SPAG11B: variants seen among roughly 807,000 people sequenced by gnomAD.
SPAG11B encodes sperm associated antigen 11B.
A neutral mutation model predicts 8.9 loss-of-function variants in SPAG11B; 5 were observed. The ratio of observed to expected loss-of-function variants is 0.56; its 90% CI spans 0.29 to 1.19. The LOEUF is 1.19. Among genes scored for constraint, SPAG11B ranks in the 50% most tolerant of loss-of-function variants. The pLI, the probability that SPAG11B is intolerant of heterozygous loss-of-function variation, is 0.08. For missense variants in SPAG11B, 38 were observed against 146.4 expected (o/e 0.26, Z 3.82); for synonymous variants, 12 against 53.0 (o/e 0.23, Z 3.36).
chr8:7,448,806 T>TCCCTTCCCTTCCCTTC (rs1158941653), downstream of SPAG11B, among the ~76,000 whole-genome samples: 15 of 133,750 alleles, frequency 1.1e-4, no homozygotes, highest in African/African-American at 4.4e-4. Context: ...TCCCTTCCCT[T>TCCCTTCCCTTCCCTTC]CCATGTTTGC....
At chr8:7,449,802 A>G (rs1162511038), downstream of SPAG11B, among the ~76,000 whole-genome samples, 1 of 143,108 alleles carries the variant, frequency 7.0e-6, no homozygotes, top group Non-Finnish European at 1.5e-5. Context: ...ACAGGAACAC[A>G]GAGCATCTTC....
chr8:7,458,689 A>G (rs1374143038), intron 2 of SPAG11B, among the ~76,000 whole-genome samples: 1 of 127,818 alleles, frequency 7.8e-6, no homozygotes, highest in African/African-American at 3.1e-5. Flanking sequence ...AAAAAAAAAA[A>G]AAATAGAAGG....
downstream of SPAG11B, among the ~76,000 whole-genome samples, chr8:7,448,974 C>A (rs1421251309): frequency 7.1e-6 from 1 of 139,868 alleles, no homozygotes; most frequent in Non-Finnish European, 1.5e-5. Context: ...TTAGATCAGC[C>A]CAGGCCCAGG....
At chr8:7,458,711 A>G (rs1195164269) in intron 2 of SPAG11B, among the ~76,000 whole-genome samples, 2 of 131,226 alleles carry the variant, frequency 1.5e-5, no homozygotes, top group East Asian at 2.3e-4. Flanking sequence ...CTCTACAGAT[A>G]TAAAAATAAA....
At chr8:7,450,315 T>TA (rs1810036850), downstream of SPAG11B, among the ~76,000 whole-genome samples, 1 of 146,724 alleles carries the variant, frequency 6.8e-6, no homozygotes, top group Non-Finnish European at 1.5e-5. Flanking sequence ...GGAAAAGGGA[T>TA]AAGGTGCATT....
At chr8:7,459,100 G>A (rs1810620299) in intron 2 of SPAG11B, among the ~76,000 whole-genome samples, 1 of 89,554 alleles carries the variant, frequency 1.1e-5, no homozygotes, top group Non-Finnish European at 2.0e-5. Context: ...TAGGAAGGCT[G>A]AGGCAGGAGA....
At chr8:7,453,842 C>G (rs1810338371) in intron 2 of SPAG11B, among the ~76,000 whole-genome samples, 1 of 148,934 alleles carries the variant, frequency 6.7e-6, no homozygotes, top group Non-Finnish European at 1.5e-5. Context: ...CTGTACCTTG[C>G]AAAATCACCT....
chr8:7,458,712 T>TA (rs1810598759), intron 2 of SPAG11B, among the ~76,000 whole-genome samples: 1 of 101,922 alleles, frequency 9.8e-6, no homozygotes, highest in African/African-American at 3.9e-5. Context: ...TCTACAGATA[T>TA]AAAAATAAAT....
intron 2 of SPAG11B, among the ~76,000 whole-genome samples, chr8:7,459,775 GC>G (rs1251057753): frequency 2.2e-3 from 264 of 122,652 alleles, no homozygotes; most frequent in African/African-American, 7.4e-3. Flanking sequence ...AGATTTGCAA[GC>G]ACTTTTGGCA....
At chr8:7,453,728 T>A (rs1341025310) in intron 2 of SPAG11B, among the ~76,000 whole-genome samples, 1 of 148,808 alleles carries the variant, frequency 6.7e-6, no homozygotes, top group East Asian at 2.0e-4. Context: ...AGTGTGAGCA[T>A]CTCAAAGAGG....
rs774567355 is a variant in SPAG11B, at chr8:7,450,866, G to A, written c.249C>T (p.Cys83=). ...GTCTGCAGATCCCTTGCTGCATATGGCAGATGGTATTTCTAATTCCCGGTG... is the reference window on the plus strand; with the variant it reads ...GTCTGCAGATCCCTTGCTGCATATGACAGATGGTATTTCTAATTCCCGGTG... ...DVPPGIRNTI[C]HMQQGICRLF... The change falls in exon 3 of 3, where the codon TGC becomes TGT. Residue 83 remains cysteine (C), a synonymous_variant. Transcript: ENST00000398462. The A allele has an allele frequency of 5.2e-6, 8 of 1,550,050 alleles. 1 individual carries two copies. Among genetic ancestry groups the A allele is most frequent in the Non-Finnish European group, 7.0e-6 (8 of 1,140,106 alleles).
At chr8:7,455,765 C>T (rs200707075) in intron 2 of SPAG11B, among the ~76,000 whole-genome samples, 22,254 of 133,608 alleles carry the variant, frequency 0.17, 7 homozygotes, top group East Asian at 0.31. Context: ...CCATACAATG[C>T]AATATTATTT....
intron 2 of SPAG11B, among the ~76,000 whole-genome samples, chr8:7,451,824 G>T (rs1169598509): frequency 6.6e-6 from 1 of 151,724 alleles, no homozygotes; most frequent in East Asian, 1.9e-4. Context: ...TGCAAGCAGG[G>T]GGAATATTAT....
chr8:7,448,811 G>T (rs1378627136), downstream of SPAG11B, among the ~76,000 whole-genome samples: 1 of 117,166 alleles, frequency 8.5e-6, no homozygotes, highest in African/African-American at 3.2e-5. Flanking sequence ...TCCCTTCCAT[G>T]TTTGCTTCCC....
intron 2 of SPAG11B, among the ~76,000 whole-genome samples, chr8:7,452,844 A>G (rs1810261191): frequency 8.6e-6 from 1 of 115,762 alleles, no homozygotes; most frequent in Non-Finnish European, 1.8e-5. Context: ...GCAACCAAAT[A>G]GTGTATTATG....
At chr8:7,454,592 C>CCATTT (rs1240756232) in intron 2 of SPAG11B, among the ~76,000 whole-genome samples, 1 of 122,924 alleles carries the variant, frequency 8.1e-6, no homozygotes, top group African/African-American at 3.3e-5. Context: ...AGACTTGAAT[C>CCATTT]CATTTCCAAA....
intron 2 of SPAG11B, among the ~76,000 whole-genome samples, chr8:7,451,747 T>C (rs1810192667): frequency 6.6e-6 from 1 of 151,428 alleles, no homozygotes; most frequent in Admixed American, 6.6e-5. Context: ...TATCTCATTA[T>C]GTCTCCTTAG....
chr8:7,451,016 A>C (rs183214456), intron 2 of SPAG11B, 116 bp from the exon 3 acceptor site: 1 of 1,515,876 alleles, frequency 6.6e-7, no homozygotes, highest in East Asian at 2.3e-5. Context: ...ACTTTTGGAC[A>C]AGCCCCAGTT....
At chr8:7,450,961 A>T (rs1306293753) in intron 2 of SPAG11B, 61 bp from the exon 3 acceptor site, 2 of 1,534,432 alleles carry the variant, frequency 1.3e-6, no homozygotes, top group Non-Finnish European at 1.8e-6. Flanking sequence ...ATAGAAGATG[A>T]CCCCAGCCCG....
Sources: gnomAD v4.1 joint callset for allele counts (sites outside exome capture counted in the v4.1 genomes callset) on GRCh38, gnomAD v4.1.1 for gene constraint, MANE v1.5 for transcripts, NCBI Gene and HGNC (gene_info 2026-07-23, HGNC 2026-07-21) for gene names.